Variants in MARCHF1 observed in about 807,000 individuals in gnomAD.
The protein encoded by MARCHF1 is membrane associated ring-CH-type finger 1, also known as E3 ubiquitin-protein ligase MARCHF1.
Under a neutral mutation model 54.2 loss-of-function variants are expected in MARCHF1, and 40 were observed. The ratio of observed to expected loss-of-function variants is 0.74; its 90% CI spans 0.57 to 0.96. The LOEUF is 0.96. Ranked by LOEUF, MARCHF1 falls within the 40% of genes least tolerant of loss-of-function variation. The pLI is 0.00. For missense variants in MARCHF1, 586 were observed against 656.5 expected (o/e 0.89, Z 1.17); for synonymous variants, 236 against 236.3 (o/e 1.00, Z 0.01).
intron 1 of MARCHF1, among the ~76,000 whole-genome samples, chr4:164,307,555 G>A (rs898199120): frequency 6.6e-6 from 1 of 152,114 alleles, no homozygotes; most frequent in African/African-American, 2.4e-5. Context: ...CAGCCCCCTG[G>A]GCAAAAGGAA....
intron 3 of MARCHF1, among the ~76,000 whole-genome samples, chr4:163,979,852 C>T (rs1222593210): frequency 1.3e-5 from 2 of 152,008 alleles, no homozygotes; most frequent in East Asian, 3.9e-4. Context: ...GTCCTTCACC[C>T]ACTTTTTGAT....
chr4:163,714,933 C>A (rs1745214168), intron 4 of MARCHF1, among the ~76,000 whole-genome samples: 1 of 152,188 alleles, frequency 6.6e-6, no homozygotes, highest in Non-Finnish European at 1.5e-5. Flanking sequence ...TTTCCTGCCT[C>A]AGCCTCCCAA....
chr4:163,750,234 A>G (rs923221100), intron 4 of MARCHF1, among the ~76,000 whole-genome samples: 2 of 151,964 alleles, frequency 1.3e-5, no homozygotes, highest in Non-Finnish European at 2.9e-5. Flanking sequence ...TGACAGGGCC[A>G]GGCGTGGTGG....
chr4:163,736,954 G>C (rs78925059), intron 4 of MARCHF1, among the ~76,000 whole-genome samples: 2,302 of 151,958 alleles, frequency 0.015, 62 homozygotes, highest in African/African-American at 0.051. Context: ...ATAAATTTAT[G>C]ATGGCCCTAA....
intron 4 of MARCHF1, among the ~76,000 whole-genome samples, chr4:163,733,195 A>ATATATATATACACGTG (rs1554008823): frequency 1.9e-4 from 5 of 26,352 alleles, no homozygotes; most frequent in African/African-American, 5.0e-4. Flanking sequence ...ATATATATAT[A>ATATATATATACACGTG]TATATATATA....
chr4:164,197,397 C>G (rs761434829), intron 1 of MARCHF1: 3 of 1,613,280 alleles, frequency 1.9e-6, no homozygotes, highest in Non-Finnish European at 2.5e-6. Context: ...CTAACTGTTT[C>G]AGTGGCTCTA....
At chr4:164,037,178 AT>A (rs1160718363) in intron 2 of MARCHF1, among the ~76,000 whole-genome samples, 1 of 152,152 alleles carries the variant, frequency 6.6e-6, no homozygotes, top group Non-Finnish European at 1.5e-5. Flanking sequence ...TCTAATGGAT[AT>A]TCAAGCAGAG....
intron 3 of MARCHF1, among the ~76,000 whole-genome samples, chr4:163,975,188 T>A (rs199675780): frequency 0.034 from 4,529 of 133,510 alleles, 195 homozygotes; most frequent in African/African-American, 0.12. Flanking sequence ...TCTCTCTCTC[T>A]CTCTCTCTCA....
chr4:163,865,655 G>C (rs2111202011), intron 3 of MARCHF1, among the ~76,000 whole-genome samples: 1 of 151,696 alleles, frequency 6.6e-6, no homozygotes, highest in African/African-American at 2.4e-5. Context: ...ATAACAGATA[G>C]GCATGAGTGA....
At chr4:163,641,670 A>T (rs962563059) in intron 5 of MARCHF1, among the ~76,000 whole-genome samples, 1 of 152,154 alleles carries the variant, frequency 6.6e-6, no homozygotes, top group African/African-American at 2.4e-5. Context: ...AAGGAGCACA[A>T]ATCTGATGCA....
At chr4:164,296,332 A>C (rs929341568) in intron 1 of MARCHF1, among the ~76,000 whole-genome samples, 1 of 152,186 alleles carries the variant, frequency 6.6e-6, no homozygotes, top group Admixed American at 6.5e-5. Context: ...TTCCATTGAC[A>C]ATCAAAGAAG....
chr4:163,799,915 GA>G (rs1313099296), intron 4 of MARCHF1, among the ~76,000 whole-genome samples: 1 of 152,082 alleles, frequency 6.6e-6, no homozygotes, highest in African/African-American at 2.4e-5. Context: ...ACTAGATAGA[GA>G]AAATGTGATA....
At chr4:163,920,281 G>T (rs1015284456) in intron 3 of MARCHF1, among the ~76,000 whole-genome samples, 1 of 152,112 alleles carries the variant, frequency 6.6e-6, no homozygotes, top group African/African-American at 2.4e-5. Context: ...ACTTAATATT[G>T]TTAATGTGTA....
intron 4 of MARCHF1, among the ~76,000 whole-genome samples, chr4:163,846,422 T>C (rs1325465624): frequency 1.3e-5 from 2 of 152,194 alleles, no homozygotes; most frequent in Non-Finnish European, 2.9e-5. Flanking sequence ...GTCCATTTGC[T>C]GTAGGTGGAT....
At chr4:163,967,540 T>C (rs1752466286) in intron 3 of MARCHF1, among the ~76,000 whole-genome samples, 1 of 152,184 alleles carries the variant, frequency 6.6e-6, no homozygotes, top group African/African-American at 2.4e-5. Flanking sequence ...TTCTCTCTTA[T>C]TATCCAGCCA....
chr4:163,703,803 G>A (rs1331016846), intron 4 of MARCHF1, among the ~76,000 whole-genome samples: 1 of 152,078 alleles, frequency 6.6e-6, no homozygotes, highest in Admixed American at 6.6e-5. Flanking sequence ...TGCTATGAAT[G>A]TGTCTGATAT....
intron 1 of MARCHF1, among the ~76,000 whole-genome samples, chr4:164,173,365 A>G (rs973581030): frequency 1.3e-5 from 2 of 152,210 alleles, no homozygotes; most frequent in African/African-American, 4.8e-5. Context: ...TTACTTTCAA[A>G]CCAAAGATGA....
chr4:164,159,078 A>G (rs923589639), intron 1 of MARCHF1, among the ~76,000 whole-genome samples: 2 of 152,190 alleles, frequency 1.3e-5, no homozygotes, highest in African/African-American at 4.8e-5. Flanking sequence ...TTTCTATTTC[A>G]TGATTGACTT....
At chr4:164,151,764 C>A (rs1729948353) in intron 1 of MARCHF1, among the ~76,000 whole-genome samples, 1 of 152,018 alleles carries the variant, frequency 6.6e-6, no homozygotes. Context: ...AAAAGTATTT[C>A]TTTCTAACTC....
Sources: gnomAD v4.1 joint callset for allele counts (sites outside exome capture counted in the v4.1 genomes callset) on GRCh38, gnomAD v4.1.1 for gene constraint, MANE v1.5 for transcripts, NCBI Gene and HGNC (gene_info 2026-07-23, HGNC 2026-07-21) for gene names.